The following PPP3CA variants were observed in gnomAD, a reference collection of about 807,000 sequenced individuals.
PPP3CA encodes the protein protein phosphatase 3 catalytic subunit alpha.
In PPP3CA, 14 loss-of-function variants were observed where a neutral mutation model predicts 66.5. That is an observed-to-expected ratio of 0.21 (90% CI 0.14 to 0.33). The LOEUF is 0.33. Ranked by LOEUF, PPP3CA falls within the 10% of genes least tolerant of loss-of-function variation. PPP3CA has a pLI of 1.00. For synonymous variants in PPP3CA, 232 were observed against 226.2 expected (o/e 1.03, Z -0.23); for missense variants, 317 against 639.5 (o/e 0.50, Z 5.44).
intron 1 of PPP3CA, among the ~76,000 whole-genome samples, chr4:101,246,648 C>A (rs1726488475): frequency 6.6e-6 from 1 of 151,984 alleles, no homozygotes; most frequent in South Asian, 2.1e-4. Context: ...GAGTATAAAA[C>A]AACTGTGAAT....
intron 2 of PPP3CA, among the ~76,000 whole-genome samples, chr4:101,121,734 T>C (rs901776958): frequency 3.9e-5 from 6 of 152,136 alleles, no homozygotes; most frequent in African/African-American, 1.4e-4. Flanking sequence ...TATGAAATAA[T>C]TTAAAAATAA....
chr4:101,222,151 C>A (rs1183680506), intron 1 of PPP3CA, among the ~76,000 whole-genome samples: 3 of 151,576 alleles, frequency 2.0e-5, no homozygotes, highest in African/African-American at 7.3e-5. Context: ...TTTAAGACCA[C>A]TGGAAAAATC....
intron 13 of PPP3CA, among the ~76,000 whole-genome samples, chr4:101,028,167 G>A (rs896742773): frequency 6.6e-6 from 1 of 152,208 alleles, no homozygotes; most frequent in Non-Finnish European, 1.5e-5. Flanking sequence ...AGGACCATAT[G>A]CACATAATTT....
rs959214753 is a variant in PPP3CA, at chr4:101,142,365, G to A, written c.260-33287C>T. Among the ~76,000 whole-genome samples, 6 of 152,154 alleles carry A rather than the reference G, an allele frequency of 3.9e-5. No individual in the cohort carries two copies. The East Asian group carries it at 7.7e-4, about 20-fold the overall frequency. On this transcript the variant is annotated intron_variant, in intron 2 of 13. Transcript: ENST00000394854. ...GTGAATCAGAAAAGATAAGAAAATCGTGATATCGGCAGAGTAGTGGAGACA... is the reference window on the plus strand; with the variant it reads ...GTGAATCAGAAAAGATAAGAAAATCATGATATCGGCAGAGTAGTGGAGACA...
intron 1 of PPP3CA, among the ~76,000 whole-genome samples, chr4:101,280,194 C>T (rs752401533): frequency 6.6e-6 from 1 of 151,910 alleles, no homozygotes; most frequent in Non-Finnish European, 1.5e-5. Flanking sequence ...GTCAAATAAG[C>T]ATTAGAGAGA....
chr4:101,067,608 C>T (rs964694901), intron 8 of PPP3CA, among the ~76,000 whole-genome samples: 6 of 140,142 alleles, frequency 4.3e-5, no homozygotes, highest in Admixed American at 3.8e-4. Flanking sequence ...CTACAATTTC[C>T]ATCACCCAGG....
At chr4:101,179,874 G>A (rs577172408) in intron 2 of PPP3CA, among the ~76,000 whole-genome samples, 1 of 152,122 alleles carries the variant, frequency 6.6e-6, no homozygotes, top group South Asian at 2.1e-4. Context: ...ATGTTTTACT[G>A]TATTAATTTC....
intron 2 of PPP3CA, among the ~76,000 whole-genome samples, chr4:101,169,208 T>C (rs1165879972): frequency 1.3e-5 from 2 of 152,218 alleles, no homozygotes; most frequent in African/African-American, 4.8e-5. Flanking sequence ...ATGGTAATCA[T>C]GTATAGGCAA....
chr4:101,243,315 G>A (rs1726371424), intron 1 of PPP3CA, among the ~76,000 whole-genome samples: 1 of 152,058 alleles, frequency 6.6e-6, no homozygotes, highest in African/African-American at 2.4e-5. Context: ...TACACCTAAG[G>A]ATATAGAACA....
intron 8 of PPP3CA, among the ~76,000 whole-genome samples, chr4:101,069,896 A>G (rs1728840505): frequency 6.6e-6 from 1 of 152,198 alleles, no homozygotes; most frequent in Non-Finnish European, 1.5e-5. Context: ...TAACATACAA[A>G]ATATGTGTTA....
chr4:101,051,306 C>T (rs1283591105), intron 10 of PPP3CA, among the ~76,000 whole-genome samples: 1 of 152,054 alleles, frequency 6.6e-6, no homozygotes, highest in Non-Finnish European at 1.5e-5. Flanking sequence ...ACAGCCTTTA[C>T]ACCTGCCATA....
chr4:101,090,867 T>G (rs192940275), intron 6 of PPP3CA, among the ~76,000 whole-genome samples: 2 of 145,720 alleles, frequency 1.4e-5, no homozygotes, highest in Admixed American at 6.8e-5. Context: ...TATACACACA[T>G]ATCTGTGTCT....
chr4:101,031,999 G>C (rs1446809184), intron 12 of PPP3CA, among the ~76,000 whole-genome samples: 2 of 152,222 alleles, frequency 1.3e-5, no homozygotes, highest in Admixed American at 6.5e-5. Context: ...CAACCTAAAT[G>C]AGTTGTCCTG....
At chr4:101,293,575 A>G (rs1728099785) in intron 1 of PPP3CA, among the ~76,000 whole-genome samples, 1 of 152,206 alleles carries the variant, frequency 6.6e-6, no homozygotes, top group South Asian at 2.1e-4. Flanking sequence ...GGTGGTATCA[A>G]CTTGTCCTAT....
At chr4:101,285,507 G>A (rs148887157) in intron 1 of PPP3CA, among the ~76,000 whole-genome samples, 6 of 151,752 alleles carry the variant, frequency 4.0e-5, no homozygotes, top group Middle Eastern at 3.4e-3. Context: ...TGCACAAGCC[G>A]GTGTCCCACA....
chr4:101,336,691 T>C (rs531520554), intron 1 of PPP3CA, among the ~76,000 whole-genome samples: 19 of 151,938 alleles, frequency 1.3e-4, no homozygotes, highest in African/African-American at 3.9e-4. Flanking sequence ...GAACAAGTAA[T>C]ATATATTCAA....
intron 1 of PPP3CA, among the ~76,000 whole-genome samples, chr4:101,250,884 A>T (rs1406985255): frequency 6.6e-6 from 1 of 152,096 alleles, no homozygotes; most frequent in Non-Finnish European, 1.5e-5. Flanking sequence ...CAAATAAACG[A>T]TCTCAACTGT....
intron 1 of PPP3CA, among the ~76,000 whole-genome samples, chr4:101,238,651 T>C (rs1313431445): frequency 6.6e-6 from 1 of 152,126 alleles, no homozygotes; most frequent in African/African-American, 2.4e-5. Context: ...CTTAAAGAGA[T>C]GGGATTCAAA....
At chr4:101,042,080 A>C (rs930437482) in intron 10 of PPP3CA, among the ~76,000 whole-genome samples, 15 of 150,180 alleles carry the variant, frequency 1.0e-4, no homozygotes, top group Non-Finnish European at 1.9e-4. Flanking sequence ...AATCTATTTG[A>C]TTGTGTGGAT....
Sources: allele counts gnomAD v4.1 joint callset (sites outside exome capture counted in the v4.1 genomes callset), GRCh38; gene constraint gnomAD v4.1.1; transcripts MANE v1.5; gene names NCBI Gene and HGNC (gene_info 2026-07-23, HGNC 2026-07-21).